FRAS1: variants seen among roughly 807,000 people sequenced by gnomAD.
The protein encoded by FRAS1 is extracellular matrix organizing protein FRAS1.
In FRAS1, 290 loss-of-function variants were observed where a neutral mutation model predicts 435.2. The ratio of observed to expected loss-of-function variants is 0.67; its 90% CI spans 0.61 to 0.73. The LOEUF (loss-of-function observed/expected upper bound fraction) is 0.73. Ranked by LOEUF, FRAS1 falls within the 30% of genes least tolerant of loss-of-function variation. The pLI is 0.00. For missense variants in FRAS1, 4,860 were observed against 5,001.5 expected, an observed-to-expected ratio of 0.97 and a Z score of 0.85; for synonymous variants, 1,800 against 1,851.0, an observed-to-expected ratio of 0.97 and a Z score of 0.71.
At chr4:78,249,043 C>CTGATATATATATA (rs1352031337) in intron 4 of FRAS1, among the ~76,000 whole-genome samples, 650 of 19,630 alleles carry the variant, frequency 0.033, 50 homozygotes, top group South Asian at 0.068. Flanking sequence ...GTATGAAGAA[C>CTGATATATATATA]TACTGATATA....
chr4:78,505,121 G>A (rs1720793709), intron 61 of FRAS1, among the ~76,000 whole-genome samples: 1 of 152,210 alleles, frequency 6.6e-6, no homozygotes, highest in African/African-American at 2.4e-5. Context: ...GCTTCCCTTT[G>A]TGGGTAATCC....
At chr4:78,504,537 G>A (rs891763527) in intron 61 of FRAS1, among the ~76,000 whole-genome samples, 2 of 152,084 alleles carry the variant, frequency 1.3e-5, no homozygotes, top group Non-Finnish European at 2.9e-5. Context: ...GACTAGGATT[G>A]CAACCCCTGC....
At chr4:78,263,424 C>T (rs1271690035) in intron 6 of FRAS1, among the ~76,000 whole-genome samples, 2 of 152,164 alleles carry the variant, frequency 1.3e-5, no homozygotes, top group African/African-American at 4.8e-5. Context: ...CAGGTAATAC[C>T]TCCCTCCCTG....
chr4:78,458,381 T>G (rs537654502), intron 47 of FRAS1, among the ~76,000 whole-genome samples: 2 of 152,328 alleles, frequency 1.3e-5, no homozygotes, highest in Non-Finnish European at 2.9e-5. Context: ...AGCATTATTT[T>G]TATTCACCAG....
chr4:78,531,751 G>A (rs1387568731), intron 70 of FRAS1, among the ~76,000 whole-genome samples: 1 of 152,100 alleles, frequency 6.6e-6, no homozygotes, highest in Non-Finnish European at 1.5e-5. Flanking sequence ...CTACCAGCAT[G>A]TATCTGTGCA....
intron 2 of FRAS1, among the ~76,000 whole-genome samples, chr4:78,199,201 G>A (rs1243053670): frequency 6.6e-6 from 1 of 152,216 alleles, no homozygotes; most frequent in Non-Finnish European, 1.5e-5. Context: ...TTCCTCTTGG[G>A]ACTGCAGTTT....
chr4:78,262,579 CTGTT>C (rs1345453192), intron 6 of FRAS1, among the ~76,000 whole-genome samples: 8 of 152,252 alleles, frequency 5.3e-5, no homozygotes, highest in African/African-American at 1.9e-4. Flanking sequence ...AGGAGGTGGA[CTGTT>C]TGTCTTACTC....
intron 9 of FRAS1, among the ~76,000 whole-genome samples, chr4:78,274,117 A>G (rs1726867372): frequency 6.6e-6 from 1 of 152,160 alleles, no homozygotes; most frequent in Admixed American, 6.5e-5. Context: ...TGTTTATAGT[A>G]TTCTCTGATG....
At chr4:78,059,135 C>T (rs1264031477) in intron 1 of FRAS1, among the ~76,000 whole-genome samples, 2 of 152,176 alleles carry the variant, frequency 1.3e-5, no homozygotes, top group African/African-American at 4.8e-5. Flanking sequence ...GGGCGCAGGG[C>T]GGGCCGCCTT....
At chr4:78,087,498 G>C (rs1741248705) in intron 2 of FRAS1, among the ~76,000 whole-genome samples, 1 of 152,176 alleles carries the variant, frequency 6.6e-6, no homozygotes, top group African/African-American at 2.4e-5. Context: ...CCTGTTTGCA[G>C]ATGACATGAT....
At chr4:78,319,520 C>T (rs11937525) in intron 18 of FRAS1, 24,828 of 415,630 alleles carry the variant, frequency 0.06, 1,303 homozygotes, top group East Asian at 0.27. Context: ...TTATAGTTTC[C>T]TTTCTGTTCC....
At chr4:78,158,317 A>T (rs923808026) in intron 2 of FRAS1, among the ~76,000 whole-genome samples, 5 of 152,176 alleles carry the variant, frequency 3.3e-5, no homozygotes, top group Non-Finnish European at 7.3e-5. Flanking sequence ...TGAGTATAAA[A>T]TGTTTTTCCA....
chr4:78,496,851 C>A lies in FRAS1; in HGVS notation c.9005C>A (p.Pro3002Gln), dbSNP rs1324097363. The change falls in exon 60 of 74, where the codon CCA (proline) becomes CAA (glutamine). Residue 3002 changes from proline (P) to glutamine (Q), a missense_variant. Transcript: ENST00000512123. Reference protein sequence around the residue: ...VYIHDDSMFEPEEQFRVYLGL... With the variant: ...VYIHDDSMFEQEEQFRVYLGL... ...ATCCACGATGACTCCATGTTTGAGC[C>A]AGAGGAACAGTTCAGGGTCTACCTC... 1.2e-6 allele frequency: 2 copies of A among 1,613,614 alleles called. No homozygotes were observed. The highest frequency in any genetic ancestry group is 2.7e-5 in the African/African-American group (2 of 74,868).
At position 78,079,302 on chromosome 4, in the gene FRAS1, A is replaced by T. The variant is rs530467146; in HGVS notation, c.108+13286A>T. The stretch of plus-strand genomic sequence containing the variant: ...TAAGGAATCAGTGGAGAGAAAGGAC[A>T]GAAGTTGAAAGAGTGAAGAAAAAAT... On this transcript the variant is annotated intron_variant, in intron 2 of 73. Coordinates refer to ENST00000512123, the MANE Select transcript of FRAS1 (RefSeq NM_025074.7). 1.3e-4 allele frequency among the ~76,000 whole-genome samples: 20 copies of T among 152,342 alleles called. No homozygotes were observed. In the South Asian group the frequency reaches 4.1e-3, roughly 32 times the overall value.
At chr4:78,357,045 G>C (rs1578270480) in intron 20 of FRAS1, among the ~76,000 whole-genome samples, 1 of 152,214 alleles carries the variant, frequency 6.6e-6, no homozygotes, top group Middle Eastern at 3.4e-3. Flanking sequence ...ACTTTTCTCA[G>C]TTCCTTGAAG....
intron 2 of FRAS1, among the ~76,000 whole-genome samples, chr4:78,097,268 T>C (rs1018205650): frequency 2.0e-5 from 3 of 152,222 alleles, no homozygotes; most frequent in Non-Finnish European, 2.9e-5. Context: ...GTCAAAACCA[T>C]TTGACAAGTC....
intron 70 of FRAS1, among the ~76,000 whole-genome samples, chr4:78,529,270 A>G (rs1002631815): frequency 2.5e-4 from 38 of 152,302 alleles, no homozygotes; most frequent in Middle Eastern, 3.4e-3. Context: ...GCAGTAAGGA[A>G]GAACAATGGG....
At chr4:78,501,074 G>A (rs1203245436) in intron 61 of FRAS1, among the ~76,000 whole-genome samples, 1 of 152,082 alleles carries the variant, frequency 6.6e-6, no homozygotes, top group Non-Finnish European at 1.5e-5. Flanking sequence ...CCATTAACTC[G>A]TCATTTACAT....
chr4:78,101,069 T>C (rs1188697736), intron 2 of FRAS1, among the ~76,000 whole-genome samples: 1 of 152,124 alleles, frequency 6.6e-6, no homozygotes, highest in African/African-American at 2.4e-5. Context: ...TGGCAACCAT[T>C]TAACATGTAT....
Sources: gnomAD v4.1 joint callset for allele counts (sites outside exome capture counted in the v4.1 genomes callset) on GRCh38, gnomAD v4.1.1 for gene constraint, MANE v1.5 for transcripts, NCBI Gene and HGNC (gene_info 2026-07-23, HGNC 2026-07-21) for gene names.